The following NRBP1 variants were observed in gnomAD, a reference collection of about 807,000 sequenced individuals.
NRBP1 encodes nuclear receptor-binding protein.
Under a neutral mutation model 76.0 loss-of-function variants are expected in NRBP1, and 10 were observed. That is an observed-to-expected ratio of 0.13 (90% CI 0.08 to 0.22). The LOEUF (loss-of-function observed/expected upper bound fraction) is 0.22. NRBP1 is among the 10% of genes least tolerant of loss of function. The pLI is 1.00. For synonymous variants in NRBP1, 235 were observed against 240.2 expected (o/e 0.98, Z 0.20); for missense variants, 344 against 646.0 (o/e 0.53, Z 5.07).
chr2:27,434,818 C>A, intron 6 of NRBP1, 56 bp downstream of exon 6: 1 of 1,526,332 alleles, frequency 6.6e-7, no homozygotes, highest in Non-Finnish European at 9.1e-7. Flanking sequence ...TTACTCCAAA[C>A]AGATTTCAGG....
intron 11 of NRBP1, 35 bp downstream of exon 11, chr2:27,439,933 C>A: frequency 6.4e-7 from 1 of 1,550,594 alleles, no homozygotes. Flanking sequence ...AATAGTCTTC[C>A]AATCTGGAGC....
chr2:27,441,685 C>A (rs1664571617), intron 17 of NRBP1, 23 bp from the exon 18 acceptor site: 1 of 1,611,278 alleles, frequency 6.2e-7, no homozygotes, highest in East Asian at 2.2e-5. Context: ...CAGCCCCCAT[C>A]TTACTGAGCT....
chr2:27,436,964 T>C, intron 8 of NRBP1, 83 bp from the exon 9 acceptor site: 1 of 1,458,652 alleles, frequency 6.9e-7, no homozygotes, highest in South Asian at 1.2e-5. Flanking sequence ...ATTTTTCTTT[T>C]CTTTTTTTTT....
chr2:27,433,532 G>A (rs955748899), intron 2 of NRBP1, 49 bp downstream of exon 2: 7 of 1,607,744 alleles, frequency 4.4e-6, no homozygotes, highest in Non-Finnish European at 6.0e-6. Flanking sequence ...CTGGAAAGGT[G>A]AGAACTGGAA....
At chr2:27,441,022 A>C (rs1368575053) in intron 14 of NRBP1, 82 bp downstream of exon 14, 1 of 1,608,692 alleles carries the variant, frequency 6.2e-7, no homozygotes, top group Non-Finnish European at 8.5e-7. Flanking sequence ...TCTATCCTTT[A>C]GAGAAAATGC....
chr2:27,436,949 A>G, intron 8 of NRBP1, 98 bp from the exon 9 acceptor site: 1 of 1,470,930 alleles, frequency 6.8e-7, no homozygotes, highest in Non-Finnish European at 9.4e-7. Flanking sequence ...ACCAGCATAC[A>G]AAATATTTTT....
At position 27,441,351 on chromosome 2, in the gene NRBP1, AGAGGATG is replaced by A. The variant is rs146241275; in HGVS notation, c.1447+25_1447+31del. 1.9e-4 allele frequency: 313 copies of A among 1,610,068 alleles called. No individual in the cohort carries two copies. The African/African-American group carries it at 3.7e-3, about 19-fold the overall frequency. On this transcript the variant is annotated intron_variant, in intron 16 of 17. Transcript: ENST00000379852. ...GCCAAGTGAGTCTCTCCTTTCCCTC[AGAGGATG>A]GAGAGTCTATGAGCCTTATCTTTTA...
At chr2:27,437,159 G>C (rs892251352) in intron 9 of NRBP1, 54 bp downstream of exon 9, 20 of 1,591,632 alleles carry the variant, frequency 1.3e-5, no homozygotes, top group Middle Eastern at 3.3e-4. Context: ...GATGGAATTG[G>C]GAATGGAGGG....
chr2:27,435,632 T>C, intron 7 of NRBP1: 2 of 716,838 alleles, frequency 2.8e-6, no homozygotes, highest in East Asian at 2.7e-5. Flanking sequence ...GGTATTTGTG[T>C]GTCCATTTGT....
chr2:27,437,207 G>A, intron 9 of NRBP1, 55 bp from the exon 10 acceptor site: 1 of 1,573,306 alleles, frequency 6.4e-7, no homozygotes, highest in Non-Finnish European at 8.7e-7. Flanking sequence ...GAGTGATTGT[G>A]GGAGCACTGA....
At position 27,441,603 on chromosome 2, in the gene NRBP1, A is replaced by G; in HGVS notation, c.1484A>G (p.Gln495Arg). Residue 495 changes from glutamine (Q) to arginine (R), a missense_variant, in exon 17 of 18, where the codon CAG becomes CGG. Coordinates refer to ENST00000379852, the MANE Select transcript of NRBP1 (RefSeq NM_013392.4). ...CCCGAGTTGGCGGCTGAGCTGGTGC[A>G]GCTGGGCTTCATTAGTGAGGTGAGG... ...NIPELAAELV[Q>R]LGFISEADQS... is the part of the protein sequence containing the mutation. 2 of 1,614,060 alleles carry G rather than the reference A, an allele frequency of 1.2e-6. No individual in the cohort carries two copies. Among genetic ancestry groups the G allele is most frequent in the Non-Finnish European group, 8.5e-7 (1 of 1,180,020 alleles).
intron 11 of NRBP1, 94 bp downstream of exon 11, chr2:27,439,992 ATTCTTTTTTTTTTTTTTT>A: frequency 8.5e-6 from 2 of 234,436 alleles, no homozygotes; most frequent in African/African-American, 4.0e-5. Context: ...TTCCAAAGGG[ATTCTTTTTTTTTTTTTTT>A]TTTTTTTTTT....
At chr2:27,439,940 G>T in intron 11 of NRBP1, 42 bp downstream of exon 11, 1 of 1,552,834 alleles carries the variant, frequency 6.4e-7, no homozygotes, top group Non-Finnish European at 8.7e-7. Context: ...TTCCAATCTG[G>T]AGCCCTGTAA....
chr2:27,435,853 T>C, intron 7 of NRBP1: 1 of 711,978 alleles, frequency 1.4e-6, no homozygotes, highest in South Asian at 1.5e-5. Flanking sequence ...TCCCCTATCT[T>C]CCCTGCCTAA....
At chr2:27,441,532 C>T (rs376109821) in intron 16 of NRBP1, 35 bp from the exon 17 acceptor site, 178 of 1,611,726 alleles carry the variant, frequency 1.1e-4, no homozygotes, top group Non-Finnish European at 1.4e-4. Flanking sequence ...CCCTCAGTCC[C>T]GTACTGTACT....
chr2:27,435,492 G>A (rs1572689918), intron 7 of NRBP1: 1 of 611,138 alleles, frequency 1.6e-6, no homozygotes, highest in East Asian at 2.7e-5. Context: ...CAAGAGATAG[G>A]TTTGAGGTTT....
chr2:27,428,809 A>C (rs1663974825), intron 1 of NRBP1, 78 bp downstream of exon 1: 1 of 397,494 alleles, frequency 2.5e-6, no homozygotes, highest in South Asian at 1.3e-4. Context: ...GAGGCCCGGG[A>C]CGGTGGGACC....
intron 9 of NRBP1, 54 bp from the exon 10 acceptor site, chr2:27,437,208 G>A: frequency 6.4e-7 from 1 of 1,574,800 alleles, no homozygotes; most frequent in Non-Finnish European, 8.7e-7. Flanking sequence ...AGTGATTGTG[G>A]GAGCACTGAA....
upstream of NRBP1, chr2:27,428,625 C>T (rs1663959747): frequency 2.5e-6 from 1 of 397,884 alleles, no homozygotes; most frequent in East Asian, 3.6e-5. Flanking sequence ...GCGGGGCCCG[C>T]AGTTCGGTTG....
Sources: gnomAD v4.1 joint callset for allele counts on GRCh38, gnomAD v4.1.1 for gene constraint, MANE v1.5 for transcripts, NCBI Gene and HGNC (gene_info 2026-07-23, HGNC 2026-07-21) for gene names.